ZDHHC20: variants seen among roughly 807,000 people sequenced by gnomAD.
ZDHHC20 encodes zDHHC palmitoyltransferase 20, also known as palmitoyltransferase ZDHHC20.
A neutral mutation model predicts 57.8 loss-of-function variants in ZDHHC20; 43 were observed. The ratio of observed to expected loss-of-function variants is 0.74; its 90% CI spans 0.58 to 0.96. ZDHHC20 has a LOEUF of 0.96. ZDHHC20 is among the 40% of genes least tolerant of loss of function. The probability of loss-of-function intolerance (pLI) is 0.00; values close to 1 mark genes in which losing one functional copy is unlikely to be tolerated. For missense variants in ZDHHC20, 391 were observed against 441.1 expected (o/e 0.89, Z 1.02); for synonymous variants, 157 against 153.0 (o/e 1.03, Z -0.19).
intron 1 of ZDHHC20, among the ~76,000 whole-genome samples, chr13:21,434,390 T>G (rs1167817279): frequency 6.6e-6 from 1 of 152,210 alleles, no homozygotes; most frequent in Non-Finnish European, 1.5e-5. Flanking sequence ...TTTTCATATA[T>G]TCTCTCTCCA....
chr13:21,398,560 C>T (rs1398963432), intron 7 of ZDHHC20, among the ~76,000 whole-genome samples: 1 of 152,084 alleles, frequency 6.6e-6, no homozygotes, highest in Admixed American at 6.5e-5. Context: ...ACATACATGG[C>T]ATTTACATGT....
rs369111136 is a variant in ZDHHC20, at chr13:21,438,159, GC to G, written c.119-12482del. On this transcript the variant is annotated intron_variant, in intron 1 of 12. Coordinates refer to ENST00000400590, the MANE Select transcript of ZDHHC20 (RefSeq NM_001330059.2). ...TGCCTGCTAACACATCTATTCTGCA[GC>G]CCATGGATCAAGGAGTCATTTCAAC... Among the ~76,000 whole-genome samples the G allele has an allele frequency of 3.3e-4, 50 of 152,296 alleles. 1 individual carries two copies. The East Asian group carries it at 9.1e-3, about 28-fold the overall frequency.
chr13:21,426,753 G>C (rs1438368034), intron 1 of ZDHHC20, among the ~76,000 whole-genome samples: 1 of 151,970 alleles, frequency 6.6e-6, no homozygotes, highest in East Asian at 1.9e-4. Context: ...TTACAGGTGA[G>C]TGCCACCACG....
intron 2 of ZDHHC20, 57 bp from the exon 3 acceptor site, chr13:21,421,221 A>G: frequency 7.1e-7 from 1 of 1,405,780 alleles, no homozygotes; most frequent in Non-Finnish European, 1.0e-6. Flanking sequence ...AGCAAAAAGC[A>G]TTACATTAAA....
intron 3 of ZDHHC20, among the ~76,000 whole-genome samples, chr13:21,417,939 T>C (rs1736665915): frequency 6.6e-6 from 1 of 152,202 alleles, no homozygotes; most frequent in Admixed American, 6.5e-5. Context: ...AGCTTTGTAA[T>C]TGCTTATACA....
intron 7 of ZDHHC20, among the ~76,000 whole-genome samples, chr13:21,397,373 G>A (rs372803918): frequency 1.7e-4 from 25 of 151,416 alleles, no homozygotes; most frequent in African/African-American, 5.8e-4. Context: ...CAAGAATAAC[G>A]ATTAGTGGCT....
intron 2 of ZDHHC20, among the ~76,000 whole-genome samples, chr13:21,421,738 C>T (rs1376964132): frequency 6.6e-6 from 1 of 152,064 alleles, no homozygotes; most frequent in Non-Finnish European, 1.5e-5. Context: ...TGTTAACATT[C>T]CAAAATATTT....
intron 1 of ZDHHC20, among the ~76,000 whole-genome samples, chr13:21,445,315 G>A (rs541985198): frequency 6.6e-6 from 1 of 152,218 alleles, no homozygotes; most frequent in East Asian, 1.9e-4. Flanking sequence ...TGTATCAATT[G>A]TATGGCCTCA....
chr13:21,417,128 G>C (rs1880076256), intron 3 of ZDHHC20, among the ~76,000 whole-genome samples: 1 of 152,138 alleles, frequency 6.6e-6, no homozygotes, highest in South Asian at 2.1e-4. Context: ...TAGTGGAAGA[G>C]ATACTTATAA....
chr13:21,429,075 T>C (rs975513440), intron 1 of ZDHHC20, among the ~76,000 whole-genome samples: 8 of 152,216 alleles, frequency 5.3e-5, no homozygotes, highest in African/African-American at 9.7e-5. Flanking sequence ...CTTCACTTCA[T>C]TGCCCCCTTT....
intron 4 of ZDHHC20, among the ~76,000 whole-genome samples, chr13:21,404,994 T>C (rs1313505368): frequency 3.3e-5 from 5 of 152,160 alleles, no homozygotes; most frequent in Admixed American, 2.0e-4. Context: ...AGCTATTTGA[T>C]TGTCACTTGT....
chr13:21,414,527 A>ATTTTTTTTTTTTTTTTTTTT (rs747307477), intron 3 of ZDHHC20, among the ~76,000 whole-genome samples: 31 of 107,512 alleles, frequency 2.9e-4, no homozygotes, highest in Non-Finnish European at 3.9e-4. Flanking sequence ...TGCCCGGATA[A>ATTTTTTTTTTTTTTTTTTTT]TTTTTTTTTT....
chr13:21,427,620 G>A (rs1881411476), intron 1 of ZDHHC20, among the ~76,000 whole-genome samples: 1 of 151,978 alleles, frequency 6.6e-6, no homozygotes, highest in African/African-American at 2.4e-5. Flanking sequence ...GATCACTTGA[G>A]GTCAGGAATT....
At position 21,372,854 on chromosome 13, in the gene ZDHHC20, G is replaced by A. The variant is rs189213718; in HGVS notation, c.*3842C>T. On this transcript the variant is annotated 3_prime_UTR_variant, in exon 13 of 13. Transcript: ENST00000400590. The stretch of plus-strand genomic sequence containing the variant: ...ATAGTGTCCATCTTTTCTTTTAAAC[G>A]GGCATAGACTCATTTGCAGTCATGT... The A allele has an allele frequency of 2.0e-4, 30 of 152,156 alleles. No homozygotes were observed. Among genetic ancestry groups the A allele is most frequent in the African/African-American group, 6.7e-4 (28 of 41,514 alleles). The allele number at this position is 152,156 out of a possible 1,614,324, so 9.4% of individuals were successfully genotyped here. A position where few individuals can be genotyped will look rare whatever the true frequency, so the allele number is the denominator to read the frequency against.
chr13:21,383,903 T>C (rs1873942976), intron 9 of ZDHHC20, among the ~76,000 whole-genome samples: 3 of 152,210 alleles, frequency 2.0e-5, no homozygotes, highest in Admixed American at 6.5e-5. Context: ...CAAAATTGTA[T>C]ACTATAGGGA....
At chr13:21,434,616 GT>G (rs1378050270) in intron 1 of ZDHHC20, among the ~76,000 whole-genome samples, 1 of 152,096 alleles carries the variant, frequency 6.6e-6, no homozygotes, top group African/African-American at 2.4e-5. Flanking sequence ...TTCATGTTCT[GT>G]TTTTATGCAG....
At position 21,374,670 on chromosome 13, in the gene ZDHHC20, AAG is replaced by A. The variant is rs1165640564; in HGVS notation, c.*2024_*2025del. On this transcript the variant is annotated 3_prime_UTR_variant, in exon 13 of 13. Coordinates refer to ENST00000400590, the MANE Select transcript of ZDHHC20 (RefSeq NM_001330059.2). Reference sequence around the variant, plus strand: ...AGCTAACTCATTCCTTTGGTTCAAAAAGAAAAAAAGTTGCCTCCTTTTAAAAT... The same window carrying A: ...AGCTAACTCATTCCTTTGGTTCAAAAAAAAAAAGTTGCCTCCTTTTAAAAT... 5.1e-5 allele frequency: 12 copies of A among 234,270 alleles called. No individual in the cohort carries two copies. The highest frequency in any genetic ancestry group is 9.6e-5 in the Non-Finnish European group (11 of 114,050). The allele number at this position is 234,270 out of a possible 1,614,324, so 14.5% of individuals were successfully genotyped here. A position where few individuals can be genotyped will look rare whatever the true frequency, so the allele number is the denominator to read the frequency against.
intron 1 of ZDHHC20, among the ~76,000 whole-genome samples, chr13:21,429,326 G>A (rs970586310): frequency 6.6e-6 from 1 of 152,172 alleles, no homozygotes; most frequent in African/African-American, 2.4e-5. Flanking sequence ...GTGAGGATGT[G>A]CTATCTGAAT....
chr13:21,435,975 A>G (rs1882501580), intron 1 of ZDHHC20, among the ~76,000 whole-genome samples: 1 of 152,212 alleles, frequency 6.6e-6, no homozygotes, highest in African/African-American at 2.4e-5. Flanking sequence ...ACCGGCAGGG[A>G]GCTCTGAAGT....
Sources: gnomAD v4.1 joint callset for allele counts (sites outside exome capture counted in the v4.1 genomes callset) on GRCh38, gnomAD v4.1.1 for gene constraint, MANE v1.5 for transcripts, NCBI Gene and HGNC (gene_info 2026-07-23, HGNC 2026-07-21) for gene names.